The following GALNT13 variants were observed in gnomAD, a reference collection of about 807,000 sequenced individuals.
GALNT13 encodes polypeptide N-acetylgalactosaminyltransferase 13, also known as UDP-GalNAc:polypeptide N-acetylgalactosaminyltransferase 13.
GALNT13 carries 28 observed loss-of-function variants against 64.2 expected under a neutral mutation model. The ratio of observed to expected loss-of-function variants is 0.44; its 90% CI spans 0.32 to 0.60. The LOEUF (loss-of-function observed/expected upper bound fraction) is 0.60, where lower values mean the gene tolerates loss of function less well. GALNT13 is among the 20% of genes least tolerant of loss of function. The pLI is 0.05. For synonymous variants in GALNT13, 214 were observed against 224.6 expected (o/e 0.95, Z 0.42); for missense variants, 577 against 669.8 (o/e 0.86, Z 1.53).
At chr2:153,481,485 G>A in the GALNT13 span, among the ~76,000 whole-genome samples, 1 of 152,086 alleles carries the variant, frequency 6.6e-6, no homozygotes, top group East Asian at 1.9e-4. Flanking sequence ...CAGAAAAATG[G>A]ATGAACATAT....
chr2:154,287,357 C>T (rs1461301058), intron 8 of GALNT13: 16 of 555,418 alleles, frequency 2.9e-5, no homozygotes, highest in South Asian at 1.4e-4. Context: ...TGCATTCCAG[C>T]TCTCATACTC....
chr2:153,553,976 T>C, the GALNT13 span, among the ~76,000 whole-genome samples: 1 of 151,700 alleles, frequency 6.6e-6, no homozygotes, highest in Non-Finnish European at 1.5e-5. Flanking sequence ...GAGGTTCCCC[T>C]GAGTATCTTG....
At chr2:153,143,382 G>A in the GALNT13 span, among the ~76,000 whole-genome samples, 1 of 151,968 alleles carries the variant, frequency 6.6e-6, no homozygotes, top group African/African-American at 2.4e-5. Flanking sequence ...TCTGGCTCAT[G>A]CCCATTAATA....
intron 3 of GALNT13, among the ~76,000 whole-genome samples, chr2:153,954,289 A>G (rs1218406972): frequency 6.6e-6 from 1 of 152,180 alleles, no homozygotes; most frequent in African/African-American, 2.4e-5. Flanking sequence ...ATTGCCCTTA[A>G]TAAGTTATAA....
In GALNT13 at chr2:154,023,911, A is replaced by G. The variant is rs1349150871; in HGVS notation, c.142+79272A>G. 9.2e-5 allele frequency among the ~76,000 whole-genome samples: 14 copies of G among 152,216 alleles called. 1 individual carries two copies. The highest frequency in any genetic ancestry group is 3.4e-4 in the African/African-American group (14 of 41,540). ...CCTGGTGGTGACAAAATCTCTCAGC[A>G]TTTGCTTGTCTGTAAAGTATTTTAT... is the stretch of plus-strand genomic sequence containing the variant. On this transcript the variant is annotated intron_variant, in intron 3 of 12. Coordinates refer to ENST00000392825, the MANE Select transcript of GALNT13 (RefSeq NM_052917.4).
chr2:153,258,707 T>A, the GALNT13 span, among the ~76,000 whole-genome samples: 2 of 152,232 alleles, frequency 1.3e-5, no homozygotes, highest in East Asian at 3.8e-4. Context: ...TTGTAATTTC[T>A]TCATTGACCC....
At chr2:153,251,631 C>A in the GALNT13 span, among the ~76,000 whole-genome samples, 2 of 119,450 alleles carry the variant, frequency 1.7e-5, no homozygotes, top group Non-Finnish European at 3.3e-5. Context: ...TCCCCCCACC[C>A]CACCACAGTC....
At chr2:154,134,953 TC>T (rs775235303) in intron 3 of GALNT13, among the ~76,000 whole-genome samples, 2 of 152,156 alleles carry the variant, frequency 1.3e-5, no homozygotes, top group African/African-American at 2.4e-5. Flanking sequence ...ACCACTGCAC[TC>T]CAGCCTGGGT....
At chr2:154,148,497 C>A (rs1188459211) in intron 4 of GALNT13, among the ~76,000 whole-genome samples, 2 of 152,116 alleles carry the variant, frequency 1.3e-5, no homozygotes, top group Admixed American at 6.5e-5. Flanking sequence ...TGAGGAATCA[C>A]CACACTGACT....
At chr2:153,553,177 G>A in the GALNT13 span, among the ~76,000 whole-genome samples, 1 of 152,196 alleles carries the variant, frequency 6.6e-6, no homozygotes, top group African/African-American at 2.4e-5. Flanking sequence ...ATGTTTATTG[G>A]TAATACCAAA....
chr2:154,022,826 G>C (rs193117119), intron 3 of GALNT13, among the ~76,000 whole-genome samples: 30,860 of 151,790 alleles, frequency 0.2, 3,987 homozygotes, highest in Middle Eastern at 0.33. Context: ...TTCTCTTGTG[G>C]GCATTTAGTG....
chr2:154,111,831 C>T (rs1340579180), intron 3 of GALNT13, among the ~76,000 whole-genome samples: 2 of 152,184 alleles, frequency 1.3e-5, no homozygotes, highest in Non-Finnish European at 2.9e-5. Context: ...TTCAAAAGGC[C>T]ATTCCACTGT....
At chr2:153,802,453 C>T in the GALNT13 span, among the ~76,000 whole-genome samples, 1 of 152,094 alleles carries the variant, frequency 6.6e-6, no homozygotes, top group Non-Finnish European at 1.5e-5. Flanking sequence ...TGATTTCATT[C>T]TTTTCCATTT....
chr2:153,113,711 C>T, the GALNT13 span, among the ~76,000 whole-genome samples: 2 of 151,904 alleles, frequency 1.3e-5, no homozygotes, highest in Non-Finnish European at 2.9e-5. Context: ...TTATTGTTGT[C>T]ATATATATTG....
chr2:153,481,226 T>C, the GALNT13 span, among the ~76,000 whole-genome samples: 1 of 152,190 alleles, frequency 6.6e-6, no homozygotes, highest in African/African-American at 2.4e-5. Flanking sequence ...AACATATAGA[T>C]GGAAATTAAT....
At chr2:153,211,859 T>G in the GALNT13 span, among the ~76,000 whole-genome samples, 1 of 152,194 alleles carries the variant, frequency 6.6e-6, no homozygotes, top group Non-Finnish European at 1.5e-5. Flanking sequence ...GGTTCTCTCT[T>G]CTGAGTTAAA....
the GALNT13 span, among the ~76,000 whole-genome samples, chr2:153,811,189 A>G: frequency 3.9e-5 from 6 of 152,232 alleles, no homozygotes; most frequent in Non-Finnish European, 7.3e-5. Context: ...GAGAATGATG[A>G]GTTCTTGAGA....
chr2:153,605,609 T>G, the GALNT13 span, among the ~76,000 whole-genome samples: 1 of 152,096 alleles, frequency 6.6e-6, no homozygotes, highest in Non-Finnish European at 1.5e-5. Context: ...CTTCACTTTT[T>G]GCAGTGTGTG....
chr2:154,138,694 A>C (rs923339985), intron 3 of GALNT13, among the ~76,000 whole-genome samples: 11 of 151,960 alleles, frequency 7.2e-5, no homozygotes, highest in Admixed American at 3.3e-4. Flanking sequence ...AAATTCATTT[A>C]ATACTTTATG....
Sources: allele counts gnomAD v4.1 joint callset (sites outside exome capture counted in the v4.1 genomes callset), GRCh38; gene constraint gnomAD v4.1.1; transcripts MANE v1.5; gene names NCBI Gene and HGNC (gene_info 2026-07-23, HGNC 2026-07-21).